Variants in PBRM1 observed in about 807,000 individuals in gnomAD.
The protein encoded by PBRM1 is protein polybromo-1.
Under a neutral mutation model 194.5 loss-of-function variants are expected in PBRM1, and 27 were observed. The ratio of observed to expected loss-of-function variants is 0.14; its 90% CI spans 0.10 to 0.19. The LOEUF is 0.19. PBRM1 is among the 10% of genes least tolerant of loss of function. The pLI is 1.00. For missense variants in PBRM1, 1,466 were observed against 2,077.2 expected (o/e 0.71, Z 5.72); for synonymous variants, 655 against 693.2 (o/e 0.94, Z 0.87).
At chr3:52,628,413 T>A (rs1029959097) in intron 12 of PBRM1, among the ~76,000 whole-genome samples, 3 of 148,266 alleles carry the variant, frequency 2.0e-5, no homozygotes, top group African/African-American at 7.4e-5. Context: ...ACATAATAAA[T>A]ATATATTATA....
intron 26 of PBRM1, among the ~76,000 whole-genome samples, chr3:52,558,004 C>A (rs2082575378): frequency 6.6e-6 from 1 of 152,204 alleles, no homozygotes; most frequent in African/African-American, 2.4e-5. Context: ...CATCACCAGA[C>A]CATGCCCACA....
Position 52,650,056 on chromosome 3 carries a change from G to A in PBRM1, c.715-1614C>T, listed in dbSNP as rs180672868. On this transcript the variant is annotated intron_variant, in intron 6 of 29. Coordinates refer to ENST00000296302, the Ensembl canonical transcript of PBRM1. The stretch of plus-strand genomic sequence containing the variant: ...TGAGTCATTCTCAGTAACAGTTATT[G>A]GGCTGATTTAAAAACCTGATGAGGC... Among the ~76,000 whole-genome samples the A allele has an allele frequency of 5.9e-5, 9 of 152,040 alleles. No individual in the cohort carries two copies. In the South Asian group the frequency reaches 1.9e-3, roughly 32 times the overall value.
chr3:52,656,967 C>T (rs1016710655), intron 5 of PBRM1, among the ~76,000 whole-genome samples: 9 of 152,208 alleles, frequency 5.9e-5, no homozygotes, highest in African/African-American at 1.7e-4. Context: ...AAATGCTATT[C>T]GGTTCTAAAA....
chr3:52,589,054 T>C lies in PBRM1; in HGVS notation c.2965+16A>G. ...CATATCTCACTAAACTGTCCTTTGA[T>C]TTAAAACAAACTTACCAGCTGAATC... On this transcript the variant is annotated intron_variant, in intron 18 of 29. Coordinates refer to ENST00000296302, the Ensembl canonical transcript of PBRM1. 1 of 1,602,984 alleles carries C rather than the reference T, an allele frequency of 6.2e-7. No individual in the cohort carries two copies. The highest frequency in any genetic ancestry group is 2.2e-5 in the East Asian group (1 of 44,756).
chr3:52,670,652 T>C (rs1169232957), intron 2 of PBRM1, among the ~76,000 whole-genome samples: 1 of 152,212 alleles, frequency 6.6e-6, no homozygotes, highest in Admixed American at 6.5e-5. Flanking sequence ...TACCCCATTT[T>C]CCCTTCTTCC....
chr3:52,548,108 C>A, exon 30 of PBRM1: 1 of 1,611,020 alleles, frequency 6.2e-7, no homozygotes, highest in Non-Finnish European at 8.5e-7. Context: ...TGAGGGTGTC[C>A]CGGAGCATCA....
At chr3:52,587,216 C>T in intron 19 of PBRM1, 137 bp downstream of exon 21, 2 of 650,164 alleles carry the variant, frequency 3.1e-6, no homozygotes, top group Non-Finnish European at 2.6e-6. Flanking sequence ...CAAATCTTTT[C>T]ATATAGCTAT....
intron 20 of PBRM1, among the ~76,000 whole-genome samples, chr3:52,582,793 A>C (rs1284711040): frequency 6.6e-6 from 1 of 151,974 alleles, no homozygotes; most frequent in Non-Finnish European, 1.5e-5. Context: ...CTTTGCCATC[A>C]AACTGCTGGG....
intron 13 of PBRM1, among the ~76,000 whole-genome samples, chr3:52,624,489 T>G (rs936642490): frequency 6.6e-6 from 1 of 152,230 alleles, no homozygotes; most frequent in African/African-American, 2.4e-5. Flanking sequence ...GGTGTCCACA[T>G]GCACTGATGT....
intron 6 of PBRM1, among the ~76,000 whole-genome samples, chr3:52,649,257 T>G (rs2096419981): frequency 6.6e-6 from 1 of 152,182 alleles, no homozygotes; most frequent in Admixed American, 6.5e-5. Context: ...TCGGGAGGGC[T>G]CTACCTCCCA....
chr3:52,669,788 T>G (rs928761404), intron 2 of PBRM1, among the ~76,000 whole-genome samples: 1 of 152,220 alleles, frequency 6.6e-6, no homozygotes, highest in Non-Finnish European at 1.5e-5. Flanking sequence ...CCATCACGCC[T>G]GATAATTTAG....
At chr3:52,672,184 G>A (rs1169008134) in intron 2 of PBRM1, among the ~76,000 whole-genome samples, 1 of 152,142 alleles carries the variant, frequency 6.6e-6, no homozygotes, top group East Asian at 1.9e-4. Flanking sequence ...CCCTTGGCTT[G>A]TAGTCTCCTT....
At chr3:52,551,433 T>C (rs1181059484) in intron 27 of PBRM1, among the ~76,000 whole-genome samples, 1 of 152,198 alleles carries the variant, frequency 6.6e-6, no homozygotes, top group Non-Finnish European at 1.5e-5. Context: ...GAAGTAACCT[T>C]GTTGCTATTG....
intron 22 of PBRM1, 129 bp downstream of exon 24, chr3:52,576,412 A>G (rs2089614252): frequency 3.5e-6 from 2 of 565,066 alleles, no homozygotes; most frequent in East Asian, 3.1e-5. Context: ...CTGCCCCAAC[A>G]TAAGAGAACA....
intron 22 of PBRM1, among the ~76,000 whole-genome samples, chr3:52,574,675 C>A (rs1041313171): frequency 1.3e-5 from 2 of 152,166 alleles, no homozygotes; most frequent in Non-Finnish European, 2.9e-5. Flanking sequence ...TCATTTCTGG[C>A]TGACCTTCAA....
chr3:52,627,747 TAAG>T (rs551839456), intron 12 of PBRM1, among the ~76,000 whole-genome samples: 15 of 152,296 alleles, frequency 9.8e-5, no homozygotes, highest in Middle Eastern at 3.4e-3. Context: ...GCAGTGTGGC[TAAG>T]AATAAAGTTT....
At position 52,666,797 on chromosome 3, in the gene PBRM1, T is replaced by C. The variant is rs150161688; in HGVS notation, c.384+1701A>G. On this transcript the variant is annotated intron_variant, in intron 3 of 29. Coordinates refer to ENST00000296302, the Ensembl canonical transcript of PBRM1. ...GTCCCAGCTAATCAGGAGGCTAAGG[T>C]GGGAAGATTGCTTGAGCCCAGGAGA... Among the ~76,000 whole-genome samples, 173 of 142,516 alleles carry C rather than the reference T, an allele frequency of 1.2e-3. 1 individual carries two copies. Among genetic ancestry groups the C allele is most frequent in the African/African-American group, 4.1e-3 (157 of 38,138 alleles). 93.5% of individuals were successfully genotyped at this position (142,516 alleles called of 152,430 possible). A position where few individuals can be genotyped will look rare whatever the true frequency, so the allele number is the denominator to read the frequency against.
intron 21 of PBRM1, among the ~76,000 whole-genome samples, chr3:52,578,179 T>C (rs2090180650): frequency 6.6e-6 from 1 of 152,188 alleles, no homozygotes; most frequent in Non-Finnish European, 1.5e-5. Flanking sequence ...CCATTCTCCC[T>C]GCTCTGACCA....
At chr3:52,580,503 C>T (rs1291788379) in intron 20 of PBRM1, among the ~76,000 whole-genome samples, 3 of 152,038 alleles carry the variant, frequency 2.0e-5, no homozygotes, top group African/African-American at 4.8e-5. Context: ...GGACTACAGG[C>T]ACCCGCTACC....
Sources: allele counts gnomAD v4.1 joint callset (sites outside exome capture counted in the v4.1 genomes callset), GRCh38; gene constraint gnomAD v4.1.1; transcripts MANE v1.5; gene names NCBI Gene and HGNC (gene_info 2026-07-23, HGNC 2026-07-21).